SLC45A4: variants seen among roughly 807,000 people sequenced by gnomAD.
SLC45A4 encodes solute carrier family 45 member 4.
A neutral mutation model predicts 63.7 loss-of-function variants in SLC45A4; 32 were observed. The ratio of observed to expected loss-of-function variants is 0.50; its 90% confidence interval spans 0.38 to 0.67. The LOEUF is 0.67. Ranked by LOEUF, SLC45A4 falls within the 30% of genes least tolerant of loss-of-function variation. The probability of loss-of-function intolerance (pLI) is 0.00; values close to 1 mark genes in which losing one functional copy is unlikely to be tolerated. For synonymous variants in SLC45A4, 535 were observed against 510.0 expected (o/e 1.05, Z -0.66); for missense variants, 1,027 against 1,157.7 (o/e 0.89, Z 1.64).
chr8:141,299,560 C>T (rs1040029576), intron 1 of SLC45A4, among the ~76,000 whole-genome samples: 2 of 152,244 alleles, frequency 1.3e-5, no homozygotes, highest in African/African-American at 2.4e-5. Flanking sequence ...CCCCGGGATC[C>T]GGCTTCATCC....
chr8:141,212,141 C>CCCCCCGGGGGGGG, intron 8 of SLC45A4, 56 bp downstream of exon 8: 1 of 1,109,168 alleles, frequency 9.0e-7, no homozygotes, highest in Non-Finnish European at 1.1e-6. Context: ...CCCCGCCGCC[C>CCCCCCGGGGGGGG]GCCCGCCCGC....
chr8:141,213,472 T>C (rs370829126), intron 7 of SLC45A4, among the ~76,000 whole-genome samples: 16 of 152,382 alleles, frequency 1.0e-4, no homozygotes, highest in African/African-American at 3.8e-4. Context: ...ATCAGTGTCC[T>C]TCTAAATAAT....
intron 1 of SLC45A4, among the ~76,000 whole-genome samples, chr8:141,258,429 A>G (rs1479377444): frequency 6.6e-6 from 1 of 152,222 alleles, no homozygotes; most frequent in East Asian, 1.9e-4. Flanking sequence ...GTTTGCAAAG[A>G]GCAGGTTGCA....
intron 1 of SLC45A4, among the ~76,000 whole-genome samples, chr8:141,296,238 C>A (rs980607792): frequency 2.0e-5 from 3 of 150,502 alleles, no homozygotes; most frequent in African/African-American, 7.3e-5. Context: ...GGCTGAGGCA[C>A]GAGAATCGCT....
chr8:141,277,498 A>G (rs991118471), intron 1 of SLC45A4, among the ~76,000 whole-genome samples: 4 of 152,206 alleles, frequency 2.6e-5, no homozygotes, highest in African/African-American at 9.7e-5. Flanking sequence ...ACTCCAAATG[A>G]TAGTGAGACC....
chr8:141,290,901 T>A (rs1290150003), intron 1 of SLC45A4, among the ~76,000 whole-genome samples: 2 of 152,212 alleles, frequency 1.3e-5, no homozygotes, highest in Non-Finnish European at 2.9e-5. Flanking sequence ...CGGGCTGGAG[T>A]GCAGTGGTGC....
chr8:141,249,171 C>T (rs563771173), intron 2 of SLC45A4, among the ~76,000 whole-genome samples: 1 of 152,250 alleles, frequency 6.6e-6, no homozygotes, highest in East Asian at 1.9e-4. Flanking sequence ...AGTGGGAATG[C>T]AAGATGGTAC....
At chr8:141,303,922 G>A (rs746033147) in intron 1 of SLC45A4, among the ~76,000 whole-genome samples, 5 of 152,138 alleles carry the variant, frequency 3.3e-5, no homozygotes, top group East Asian at 1.9e-4. Context: ...GAAAGGTTAC[G>A]CAAATCCCTT....
At chr8:141,289,246 G>T (rs11783006) in intron 1 of SLC45A4, among the ~76,000 whole-genome samples, 6,406 of 152,236 alleles carry the variant, frequency 0.042, 204 homozygotes, top group Non-Finnish European at 0.066. Flanking sequence ...TGAGAAACAG[G>T]GCTGCTGCTT....
chr8:141,307,548 AAGAAGGG>A (rs1314829075), intron 1 of SLC45A4, among the ~76,000 whole-genome samples: 1 of 140,002 alleles, frequency 7.1e-6, no homozygotes, highest in Admixed American at 6.9e-5. Flanking sequence ...GAAGAAGGGG[AAGAAGGG>A]AGTGTGTTCG....
intron 1 of SLC45A4, among the ~76,000 whole-genome samples, chr8:141,294,366 C>T (rs575916828): frequency 6.6e-6 from 1 of 152,368 alleles, no homozygotes; most frequent in South Asian, 2.1e-4. Context: ...CCGGGGCCAG[C>T]CCCTGCCTAG....
In SLC45A4 at chr8:141,291,676, T is replaced by C. The variant is rs138475401; in HGVS notation, c.-401+16420A>G. On this transcript the variant is annotated intron_variant, in intron 1 of 8. Transcript: ENST00000517878. ...TATGAACGACTACAGGTAAAACTACTGGCATCTGTCAAATAAAACAAATCA... is the reference window on the plus strand; with the variant it reads ...TATGAACGACTACAGGTAAAACTACCGGCATCTGTCAAATAAAACAAATCA... 4.7e-3 allele frequency among the ~76,000 whole-genome samples: 716 copies of C among 152,348 alleles called. 6 individuals carry two copies. Among genetic ancestry groups the C allele is most frequent in the African/African-American group, 0.016 (679 of 41,582 alleles).
intron 1 of SLC45A4, among the ~76,000 whole-genome samples, chr8:141,293,411 G>A (rs1049519719): frequency 6.6e-6 from 1 of 152,046 alleles, no homozygotes; most frequent in East Asian, 1.9e-4. Context: ...CCCAGATCAC[G>A]CCACTGCACT....
intron 6 of SLC45A4, among the ~76,000 whole-genome samples, chr8:141,216,424 G>C (rs915646635): frequency 5.9e-5 from 9 of 152,206 alleles, no homozygotes; most frequent in Non-Finnish European, 1.3e-4. Flanking sequence ...TTCCTGATGC[G>C]GCAGCTCAGA....
intron 6 of SLC45A4, 34 bp downstream of exon 6, chr8:141,217,056 G>A (rs770462506): frequency 1.3e-6 from 2 of 1,598,878 alleles, no homozygotes; most frequent in East Asian, 4.5e-5. Context: ...GTTTTCTGGG[G>A]TGCGAGTGCT....
chr8:141,271,492 C>T (rs1829517623), intron 1 of SLC45A4, among the ~76,000 whole-genome samples: 1 of 152,224 alleles, frequency 6.6e-6, no homozygotes, highest in Non-Finnish European at 1.5e-5. Context: ...AAAGGCCACA[C>T]ACAGCTGGAC....
rs1381941550 is a variant in SLC45A4 at position 141,256,695 on chromosome 8, T to A, written c.-400-2066A>T. The A allele has an allele frequency of 2.2e-6, 1 of 450,294 alleles. No individual in the cohort carries two copies. Among genetic ancestry groups the A allele is most frequent in the South Asian group, 1.6e-5 (1 of 64,472 alleles). The allele number at this position is 450,294 out of a possible 1,614,324, so 27.9% of individuals were successfully genotyped here. A position where few individuals can be genotyped will look rare whatever the true frequency, so the allele number is the denominator to read the frequency against. On this transcript the variant is annotated intron_variant, in intron 1 of 8. Transcript: ENST00000517878. The surrounding 1 kb of genome is among the most constrained non-coding windows in gnomAD (Gnocchi z 4.3). ...GTTCAAGTGGTGCTACCTATGTATTTGCTTCTTACGTCCCCTGAACGTCGC... is the reference window on the plus strand; with the variant it reads ...GTTCAAGTGGTGCTACCTATGTATTAGCTTCTTACGTCCCCTGAACGTCGC...
At chr8:141,293,149 C>G (rs1830419606) in intron 1 of SLC45A4, among the ~76,000 whole-genome samples, 1 of 152,194 alleles carries the variant, frequency 6.6e-6, no homozygotes, top group Non-Finnish European at 1.5e-5. Flanking sequence ...CTTCCTCAAG[C>G]CCACAAAGTG....
At chr8:141,299,967 C>T (rs898172275) in intron 1 of SLC45A4, among the ~76,000 whole-genome samples, 3 of 152,166 alleles carry the variant, frequency 2.0e-5, no homozygotes, top group African/African-American at 4.8e-5. Flanking sequence ...TTCCTGGTCC[C>T]GTTCTTCACT....
Sources: gnomAD v4.1 joint callset for allele counts (sites outside exome capture counted in the v4.1 genomes callset) on GRCh38, gnomAD v4.1.1 for gene constraint, Gnocchi (gnomAD v3.1) non-coding constraint, MANE v1.5 for transcripts, NCBI Gene and HGNC (gene_info 2026-07-23, HGNC 2026-07-21) for gene names.